The following DNM1 variants were observed in gnomAD, a reference collection of about 807,000 sequenced individuals.
The protein encoded by DNM1 is dynamin-1.
DNM1 carries 29 observed loss-of-function variants against 104.6 expected under a neutral mutation model. That is an observed-to-expected ratio of 0.28 (90% CI 0.21 to 0.38). The LOEUF is 0.38. Ranked by LOEUF, DNM1 falls within the 10% of genes least tolerant of loss-of-function variation. DNM1 has a pLI of 1.00. For synonymous variants in DNM1, 445 were observed against 475.8 expected (o/e 0.94, Z 0.84); for missense variants, 640 against 1,189.4 (o/e 0.54, Z 6.79).
rs915151618 is a variant in DNM1 at position 128,203,379 on chromosome 9, A to T, written c.-92A>T. The T allele has an allele frequency of 2.8e-5, 34 of 1,217,878 alleles. No homozygotes were observed. Among genetic ancestry groups the T allele is most frequent in the Non-Finnish European group, 3.3e-5 (32 of 963,398 alleles). 75.4% of individuals were successfully genotyped at this position (1,217,878 alleles called of 1,614,324 possible). A position where few individuals can be genotyped will look rare whatever the true frequency, so the allele number is the denominator to read the frequency against. On this transcript the variant is annotated 5_prime_UTR_variant, in exon 1 of 22. Coordinates refer to ENST00000372923, the MANE Select transcript of DNM1 (RefSeq NM_004408.4). The surrounding 1 kb of genome is among the most constrained non-coding windows in gnomAD (Gnocchi z 5.3). The stretch of plus-strand genomic sequence containing the variant: ...GGGGCGGGGGCCCCGCGGCGCAGGC[A>T]GTCTGGGCGCGCGGCTGCAGCGGCG...
chr9:128,242,367 A>G (rs1422279002), intron 15 of DNM1, 22 bp downstream of exon 15: 1 of 1,375,156 alleles, frequency 7.3e-7, no homozygotes, highest in Admixed American at 1.7e-5. Context: ...GCCAGTGGTC[A>G]TCAAGGGGCT....
At position 128,222,943 on chromosome 9, in the gene DNM1, C is replaced by G; in HGVS notation, c.1196+83C>G. 4 of 1,351,218 alleles carry G rather than the reference C, an allele frequency of 3.0e-6. No individual in the cohort carries two copies. The highest frequency in any genetic ancestry group is 4.2e-6 in the Non-Finnish European group (4 of 949,210). The allele number at this position is 1,351,218 out of a possible 1,614,324, so 83.7% of individuals were successfully genotyped here. A position where few individuals can be genotyped will look rare whatever the true frequency, so the allele number is the denominator to read the frequency against. On this transcript the variant is annotated intron_variant, in intron 9 of 21. Coordinates refer to ENST00000372923, the MANE Select transcript of DNM1 (RefSeq NM_004408.4). The surrounding 1 kb of genome is among the most constrained non-coding windows in gnomAD (Gnocchi z 7.8). Reference sequence around the variant, plus strand: ...AGGCACAGGGAGTGATGAAGTGGGCCTCCCTCAGGAAGGACTGAAAGCTCT... The same window carrying G: ...AGGCACAGGGAGTGATGAAGTGGGCGTCCCTCAGGAAGGACTGAAAGCTCT...
chr9:128,251,182 A>C (rs1564355575), intron 21 of DNM1: 1 of 676,396 alleles, frequency 1.5e-6, no homozygotes, highest in East Asian at 2.9e-5. Flanking sequence ...GGCTCGTCCC[A>C]CCTGCCCCCT....
intron 1 of DNM1, among the ~76,000 whole-genome samples, chr9:128,216,557 G>A (rs1421172203): frequency 2.0e-5 from 3 of 152,196 alleles, no homozygotes; most frequent in Non-Finnish European, 4.4e-5. Context: ...TTTGCCTGGT[G>A]CGCAGAAATG....
Position 128,243,117 on chromosome 9 carries a change from G to A in DNM1, c.1671+772G>A, listed in dbSNP as rs1588434853. 6.6e-6 allele frequency among the ~76,000 whole-genome samples: 1 copy of A among 152,206 alleles called. No homozygotes were observed. Among genetic ancestry groups the A allele is most frequent in the Non-Finnish European group, 1.5e-5 (1 of 68,028 alleles). On this transcript the variant is annotated intron_variant, in intron 15 of 21. Coordinates refer to ENST00000372923, the MANE Select transcript of DNM1 (RefSeq NM_004408.4). The surrounding 1 kb of genome is among the most constrained non-coding windows in gnomAD (Gnocchi z 4.0). ...AATGACCAGGGTGCCCTCAGGCTGA[G>A]GGGCAAGGAGTGTGGGGGCCCTGCC... is the stretch of plus-strand genomic sequence containing the variant.
At position 128,240,138 on chromosome 9, in the gene DNM1, C is replaced by T. The variant is rs938278171; in HGVS notation, c.1557+142C>T. 4.0e-6 allele frequency: 4 copies of T among 1,008,418 alleles called. No homozygotes were observed. In the South Asian group the frequency reaches 4.0e-5, roughly 10 times the overall value. The allele number at this position is 1,008,418 out of a possible 1,614,324, so 62.5% of individuals were successfully genotyped here. A position where few individuals can be genotyped will look rare whatever the true frequency, so the allele number is the denominator to read the frequency against. On this transcript the variant is annotated intron_variant, in intron 14 of 21. Coordinates refer to ENST00000372923, the MANE Select transcript of DNM1 (RefSeq NM_004408.4). The surrounding 1 kb of genome is among the most constrained non-coding windows in gnomAD (Gnocchi z 5.1). The stretch of plus-strand genomic sequence containing the variant: ...CAGCCCCTGGCATTTCACACCTGCC[C>T]TCAGGCCAGAGGCAGGCCCAGCCGC...
chr9:128,254,566 CG>C lies in DNM1; in HGVS notation c.2535-86del, dbSNP rs567251871. ...CCTCCCACCACTGCTGCGGCGCGGC[CG>C]GCCCCGGCCGTGTGCTGCGCTTGCC... On this transcript the variant is annotated intron_variant, in intron 21 of 21. Transcript: ENST00000372923. This position sits in a 1 kb window ranked among gnomAD's most constrained non-coding sequence, Gnocchi z 6.1. The C allele has an allele frequency of 2.8e-4, 441 of 1,588,872 alleles. 3 individuals carry two copies. In the South Asian group the frequency reaches 3.6e-3, roughly 13 times the overall value.
intron 4 of DNM1, among the ~76,000 whole-genome samples, 179 bp downstream of exon 4, chr9:128,219,431 G>A (rs930554216): frequency 1.3e-5 from 2 of 152,226 alleles, no homozygotes; most frequent in Non-Finnish European, 1.5e-5. Context: ...CACTTTGGGA[G>A]GCCAAGCCGG....
chr9:128,225,760 G>T (rs538422140), intron 10 of DNM1, among the ~76,000 whole-genome samples: 2 of 152,160 alleles, frequency 1.3e-5, no homozygotes, highest in East Asian at 3.9e-4. Flanking sequence ...CAGGGGCTTG[G>T]TCCCTCGTAC....
chr9:128,234,311 G>A (rs554712725), intron 11 of DNM1, among the ~76,000 whole-genome samples: 2 of 152,320 alleles, frequency 1.3e-5, no homozygotes, highest in East Asian at 1.9e-4. Context: ...ATGTTTAAGC[G>A]CACAGTTCAG....
At position 128,254,167 on chromosome 9, in the gene DNM1, G is replaced by T. The variant is rs1432332691; in HGVS notation, c.2535-487G>T. 2.3e-6 allele frequency: 3 copies of T among 1,306,036 alleles called. No individual in the cohort carries two copies. Among genetic ancestry groups the T allele is most frequent in the Non-Finnish European group, 2.9e-6 (3 of 1,034,576 alleles). The allele number at this position is 1,306,036 out of a possible 1,614,324, so 80.9% of individuals were successfully genotyped here. A position where few individuals can be genotyped will look rare whatever the true frequency, so the allele number is the denominator to read the frequency against. On this transcript the variant is annotated intron_variant, in intron 21 of 21. Coordinates refer to ENST00000372923, the MANE Select transcript of DNM1 (RefSeq NM_004408.4). The surrounding 1 kb of genome is among the most constrained non-coding windows in gnomAD (Gnocchi z 6.1). ...TCCTGGGTTTTCTGAACACCCAGAG[G>T]GGCCTCCGGCGCTCCCTCCAGCCAT... is the stretch of plus-strand genomic sequence containing the variant.
chr9:128,239,837 C>T, intron 13 of DNM1, 58 bp downstream of exon 13: 1 of 1,579,958 alleles, frequency 6.3e-7, no homozygotes, highest in East Asian at 2.2e-5. Context: ...GGACACCAGA[C>T]TCTGAGAGCC....
At chr9:128,233,730 C>A in intron 10 of DNM1, 1 of 496,462 alleles carries the variant, frequency 2.0e-6, no homozygotes, top group East Asian at 3.9e-5. Flanking sequence ...CATGGCCTTT[C>A]TCCCACGGGA....
In DNM1 at chr9:128,224,431, G is replaced by C; in HGVS notation, c.1335+42G>C. On this transcript the variant is annotated intron_variant, in intron 10 of 21. Coordinates refer to ENST00000372923, the MANE Select transcript of DNM1 (RefSeq NM_004408.4). This position sits in a 1 kb window ranked among gnomAD's most constrained non-coding sequence, Gnocchi z 4.3. ...GGCCAGCCCCCACCGCCTCTGCCCCGCCCTGCACTGCTGCCAGGCGCTCCT... is the reference window on the plus strand; with the variant it reads ...GGCCAGCCCCCACCGCCTCTGCCCCCCCCTGCACTGCTGCCAGGCGCTCCT... 1 of 1,567,634 alleles carries C rather than the reference G, an allele frequency of 6.4e-7. No individual in the cohort carries two copies. The highest frequency in any genetic ancestry group is 8.7e-7 in the Non-Finnish European group (1 of 1,151,696).
chr9:128,224,628 G>A lies in DNM1; in HGVS notation c.1335+239G>A, dbSNP rs1301280647. Among the ~76,000 whole-genome samples the A allele has an allele frequency of 6.6e-6, 1 of 152,110 alleles. No individual in the cohort carries two copies. The highest frequency in any genetic ancestry group is 2.4e-5 in the African/African-American group (1 of 41,410). On this transcript the variant is annotated intron_variant, in intron 10 of 21. Transcript: ENST00000372923. The surrounding 1 kb of genome is among the most constrained non-coding windows in gnomAD (Gnocchi z 4.3). ...ATGGGTGAGACGGGGATGATGGCTG[G>A]CTGTTTACCCCAAGAGCCCACCAAG...
Position 128,203,697 on chromosome 9 carries a change from G to A in DNM1, c.161+66G>A. The A allele has an allele frequency of 7.4e-7, 1 of 1,358,814 alleles. No individual in the cohort carries two copies. Among genetic ancestry groups the A allele is most frequent in the Non-Finnish European group, 9.5e-7 (1 of 1,056,724 alleles). 84.2% of individuals were successfully genotyped at this position (1,358,814 alleles called of 1,614,324 possible). A position where few individuals can be genotyped will look rare whatever the true frequency, so the allele number is the denominator to read the frequency against. On this transcript the variant is annotated intron_variant, in intron 1 of 21. Coordinates refer to ENST00000372923, the MANE Select transcript of DNM1 (RefSeq NM_004408.4). This position sits in a 1 kb window ranked among gnomAD's most constrained non-coding sequence, Gnocchi z 5.3. ...GGGATCCCTGGAGTCCCCGCCCGGGGCACTGACGGCGCGGCGACCTCGCAG... is the reference window on the plus strand; with the variant it reads ...GGGATCCCTGGAGTCCCCGCCCGGGACACTGACGGCGCGGCGACCTCGCAG...
In DNM1 at chr9:128,224,484, T is replaced by C; in HGVS notation, c.1335+95T>C. On this transcript the variant is annotated intron_variant, in intron 10 of 21. Coordinates refer to ENST00000372923, the MANE Select transcript of DNM1 (RefSeq NM_004408.4). This position sits in a 1 kb window ranked among gnomAD's most constrained non-coding sequence, Gnocchi z 4.3. ...CCCATGTCCCCCCCTGCCTCCTCGG[T>C]AGCATGTACAGACCTCAGCGGGGTG... 1 of 1,298,136 alleles carries C rather than the reference T, an allele frequency of 7.7e-7. No homozygotes were observed. The highest frequency in any genetic ancestry group is 1.1e-6 in the Non-Finnish European group (1 of 934,084). 80.4% of individuals were successfully genotyped at this position (1,298,136 alleles called of 1,614,324 possible). A position where few individuals can be genotyped will look rare whatever the true frequency, so the allele number is the denominator to read the frequency against.
chr9:128,251,475 G>C (rs1458728344), intron 21 of DNM1: 2 of 245,204 alleles, frequency 8.2e-6, no homozygotes, highest in African/African-American at 4.6e-5. Flanking sequence ...GCAGAGGCCA[G>C]GCTGTGACTG....
chr9:128,206,355 C>T (rs1833973617), intron 1 of DNM1, among the ~76,000 whole-genome samples: 1 of 152,190 alleles, frequency 6.6e-6, no homozygotes, highest in Non-Finnish European at 1.5e-5. Flanking sequence ...TATTTCTTCA[C>T]CCCCTTCCCT....
Sources: gnomAD v4.1 joint callset for allele counts (sites outside exome capture counted in the v4.1 genomes callset) on GRCh38, gnomAD v4.1.1 for gene constraint, Gnocchi (gnomAD v3.1) non-coding constraint, MANE v1.5 for transcripts, NCBI Gene and HGNC (gene_info 2026-07-23, HGNC 2026-07-21) for gene names.